SAP130: variants seen among roughly 807,000 people sequenced by gnomAD.
SAP130 encodes the protein histone deacetylase complex subunit SAP130.
In SAP130, 16 loss-of-function variants were observed where a neutral mutation model predicts 103.2. That is an observed-to-expected ratio of 0.16 (90% CI 0.10 to 0.24). The LOEUF is 0.24. Ranked by LOEUF, SAP130 falls within the 10% of genes least tolerant of loss-of-function variation. The probability of loss-of-function intolerance (pLI) is 1.00; values close to 1 mark genes in which losing one functional copy is unlikely to be tolerated. For missense variants in SAP130, 990 were observed against 1,359.7 expected, an observed-to-expected ratio of 0.73 and a Z score of 4.28; for synonymous variants, 477 against 497.0, an observed-to-expected ratio of 0.96 and a Z score of 0.53.
At chr2:127,982,455 G>A (rs1264667636) in intron 14 of SAP130, among the ~76,000 whole-genome samples, 1 of 152,168 alleles carries the variant, frequency 6.6e-6, no homozygotes, top group Non-Finnish European at 1.5e-5. Flanking sequence ...TTATAGATGT[G>A]ATAGCTGCAG....
chr2:127,951,680 C>T (rs551380764), intron 16 of SAP130, among the ~76,000 whole-genome samples: 46 of 152,274 alleles, frequency 3.0e-4, no homozygotes, highest in Non-Finnish European at 5.7e-4. Context: ...AGCAAAAGGC[C>T]AAGAGGTTAA....
rs1678788348 is a variant in SAP130, at chr2:127,942,651, G to A, written c.2902-114C>T. The A allele has an allele frequency of 9.0e-6, 6 of 664,450 alleles. No homozygotes were observed. Among genetic ancestry groups the A allele is most frequent in the Non-Finnish European group, 1.3e-5 (5 of 373,054 alleles). 41.2% of individuals were successfully genotyped at this position (664,450 alleles called of 1,614,324 possible). ...TGTAAACTGTCTAAGAGTTGTTTGG[G>A]TGACAACGTCCTTTCTCCTAAGGAC... is the stretch of plus-strand genomic sequence containing the variant. On this transcript the variant is annotated intron_variant, in intron 19 of 20. Transcript: ENST00000643581. This position sits in a 1 kb window ranked among gnomAD's most constrained non-coding sequence, Gnocchi z 4.8.
In SAP130 at chr2:127,996,345, C is replaced by A. The variant is rs1263518576; in HGVS notation, c.1355+5G>T. 1 of 1,597,234 alleles carries A rather than the reference C, an allele frequency of 6.3e-7. No individual in the cohort carries two copies. The highest frequency in any genetic ancestry group is 1.1e-5 in the South Asian group (1 of 88,210). ...AGGCAGAATAACTGACACACAGCCTCCTACCTGTTGTCACTTCGGGTTTCC... is the reference window on the plus strand; with the variant it reads ...AGGCAGAATAACTGACACACAGCCTACTACCTGTTGTCACTTCGGGTTTCC... On this transcript the variant is annotated splice_donor_5th_base_variant and intron_variant, in intron 11 of 20. Transcript: ENST00000643581. This position sits in a 1 kb window ranked among gnomAD's most constrained non-coding sequence, Gnocchi z 4.3.
chr2:127,967,689 C>A (rs1238246480), intron 15 of SAP130, among the ~76,000 whole-genome samples: 1 of 152,190 alleles, frequency 6.6e-6, no homozygotes, highest in Non-Finnish European at 1.5e-5. Flanking sequence ...AGCCACTGTG[C>A]CCGGCCATAG....
At chr2:127,960,040 G>A (rs1422816938) in intron 15 of SAP130, among the ~76,000 whole-genome samples, 1 of 152,154 alleles carries the variant, frequency 6.6e-6, no homozygotes, top group Non-Finnish European at 1.5e-5. Context: ...GTACAGGTAA[G>A]AGCCATCGCA....
intron 14 of SAP130, among the ~76,000 whole-genome samples, chr2:127,980,653 A>T (rs532806926): frequency 6.6e-6 from 1 of 152,288 alleles, no homozygotes; most frequent in South Asian, 2.1e-4. Context: ...TATACAATTA[A>T]AAAATTACAA....
chr2:127,942,458 TC>T lies in SAP130; in HGVS notation c.2980del (p.Asp994MetfsTer7). ...TTCGTTTATTCGGTGGAGATCATCA[TC>T]TGTTGCTGCTTTTTTCTTTGGGATA... ...GIIPKKKAAT[D>X]DDLHRINELI... On this transcript the variant is annotated frameshift_variant, in exon 20 of 21. Transcript: ENST00000643581. LOFTEE classifies it high-confidence loss of function. This position sits in a 1 kb window ranked among gnomAD's most constrained non-coding sequence, Gnocchi z 4.8. 1 of 1,613,834 alleles carries T rather than the reference TC, an allele frequency of 6.2e-7. No individual in the cohort carries two copies.
chr2:127,991,676 T>C (rs1351003387), intron 12 of SAP130, among the ~76,000 whole-genome samples: 2 of 152,232 alleles, frequency 1.3e-5, no homozygotes, highest in African/African-American at 4.8e-5. Context: ...TTCTATATTA[T>C]GTCTTCAAAA....
intron 1 of SAP130, chr2:128,027,027 C>T: frequency 1.5e-6 from 2 of 1,323,678 alleles, no homozygotes; most frequent in East Asian, 2.8e-5. Flanking sequence ...CCCCCGTCTC[C>T]GGGGTGGGGG....
chr2:128,001,694 A>G (rs549896503), intron 7 of SAP130, among the ~76,000 whole-genome samples: 1 of 152,318 alleles, frequency 6.6e-6, no homozygotes, highest in Non-Finnish European at 1.5e-5. Flanking sequence ...CAATAGTTAT[A>G]GCATCATAGC....
intron 15 of SAP130, among the ~76,000 whole-genome samples, chr2:127,976,570 A>G (rs915024738): frequency 6.6e-6 from 1 of 152,274 alleles, no homozygotes; most frequent in Non-Finnish European, 1.5e-5. Flanking sequence ...GATATAAGTA[A>G]AAGTGCGAGA....
chr2:127,997,884 C>T (rs1050031936), intron 10 of SAP130, among the ~76,000 whole-genome samples: 6 of 152,114 alleles, frequency 3.9e-5, no homozygotes, highest in African/African-American at 7.2e-5. Flanking sequence ...GAGGCCGAGG[C>T]GAGCAGATCA....
At position 127,941,461 on chromosome 2, in the gene SAP130, T is replaced by G. The variant is rs1678701446; in HGVS notation, c.*545A>C. ...GTTTTTTTTAAAAAATGACAAGAAC[T>G]AATAGTTCAAACCCTTTAGAGTGTG... On this transcript the variant is annotated 3_prime_UTR_variant, in exon 21 of 21. Coordinates refer to ENST00000643581, the MANE Select transcript of SAP130 (RefSeq NM_001330301.2). 6.6e-6 allele frequency: 1 copy of G among 152,568 alleles called. No homozygotes were observed. The highest frequency in any genetic ancestry group is 1.5e-5 in the Non-Finnish European group (1 of 68,154). 9.5% of individuals were successfully genotyped at this position (152,568 alleles called of 1,614,324 possible).
At chr2:128,014,756 T>G in intron 5 of SAP130, 47 bp downstream of exon 5, 1 of 1,293,310 alleles carries the variant, frequency 7.7e-7, no homozygotes, top group Non-Finnish European at 1.1e-6. Context: ...CAAATGTATA[T>G]CTACTACTAC....
chr2:127,957,773 T>C (rs1456603116), intron 15 of SAP130, among the ~76,000 whole-genome samples: 1 of 151,968 alleles, frequency 6.6e-6, no homozygotes, highest in Non-Finnish European at 1.5e-5. Flanking sequence ...CAGATTTTCA[T>C]ATTGAGAAGG....
intron 15 of SAP130, among the ~76,000 whole-genome samples, chr2:127,960,645 T>C (rs1026075049): frequency 3.3e-5 from 5 of 152,222 alleles, no homozygotes; most frequent in African/African-American, 1.2e-4. Flanking sequence ...TTTTTTTGTT[T>C]GGAATTAGTA....
intron 2 of SAP130, among the ~76,000 whole-genome samples, chr2:128,023,343 T>A (rs1685279413): frequency 6.6e-6 from 1 of 152,174 alleles, no homozygotes; most frequent in Non-Finnish European, 1.5e-5. Flanking sequence ...GGATTTGCCA[T>A]GTTGCCCAGG....
At chr2:127,976,137 C>T (rs543119432) in intron 15 of SAP130, among the ~76,000 whole-genome samples, 16 of 152,276 alleles carry the variant, frequency 1.1e-4, no homozygotes, top group African/African-American at 1.7e-4. Flanking sequence ...TGAGCCACTG[C>T]GCCCGGCTGG....
intron 15 of SAP130, among the ~76,000 whole-genome samples, chr2:127,961,976 G>A (rs934522510): frequency 1.4e-4 from 21 of 152,250 alleles, no homozygotes; most frequent in South Asian, 4.2e-4. Flanking sequence ...CAACTCTGGC[G>A]TGTTAGCTCT....
Sources: gnomAD v4.1 joint callset for allele counts (sites outside exome capture counted in the v4.1 genomes callset) on GRCh38, gnomAD v4.1.1 for gene constraint, Gnocchi (gnomAD v3.1) non-coding constraint, MANE v1.5 for transcripts, NCBI Gene and HGNC (gene_info 2026-07-23, HGNC 2026-07-21) for gene names.